ADCY5: variants seen among roughly 807,000 people sequenced by gnomAD.
The protein encoded by ADCY5 is adenylate cyclase 5.
Under a neutral mutation model 119.7 loss-of-function variants are expected in ADCY5, and 30 were observed. The observed-to-expected ratio is 0.25, with a 90% CI of 0.19 to 0.34. ADCY5 has a LOEUF of 0.34. ADCY5 is among the 10% of genes least tolerant of loss of function. The pLI is 1.00. For missense variants in ADCY5, 1,324 were observed against 1,775.2 expected, an observed-to-expected ratio of 0.75 and a Z score of 4.57; for synonymous variants, 753 against 762.2, an observed-to-expected ratio of 0.99 and a Z score of 0.20.
chr3:123,334,831 A>T (rs183408636), intron 3 of ADCY5, among the ~76,000 whole-genome samples: 1 of 152,356 alleles, frequency 6.6e-6, no homozygotes, highest in African/African-American at 2.4e-5. Context: ...GATGTCACGT[A>T]TCCACAGTGT....
intron 11 of ADCY5, among the ~76,000 whole-genome samples, chr3:123,317,077 G>A (rs1473562693): frequency 1.3e-5 from 2 of 152,012 alleles, no homozygotes; most frequent in Admixed American, 1.3e-4. Context: ...GTGCATGGGT[G>A]TACATACATA....
At chr3:123,342,507 C>G (rs1170485482) in intron 3 of ADCY5, among the ~76,000 whole-genome samples, 1 of 152,152 alleles carries the variant, frequency 6.6e-6, no homozygotes, top group African/African-American at 2.4e-5. Flanking sequence ...CTGCCGGGAC[C>G]CTGGCTGCAG....
chr3:123,338,956 A>AG (rs1267599489), intron 3 of ADCY5, among the ~76,000 whole-genome samples: 1 of 152,230 alleles, frequency 6.6e-6, no homozygotes, highest in African/African-American at 2.4e-5. Context: ...CTAGTGGTCT[A>AG]GGGGGGCCTG....
At chr3:123,314,853 T>C (rs567908808) in intron 11 of ADCY5, among the ~76,000 whole-genome samples, 1 of 150,128 alleles carries the variant, frequency 6.7e-6, no homozygotes, top group African/African-American at 2.5e-5. Flanking sequence ...TGGCTGTCTC[T>C]TTAGAAGGGC....
intron 15 of ADCY5, among the ~76,000 whole-genome samples, chr3:123,297,712 G>A (rs2108234153): frequency 6.6e-6 from 1 of 152,328 alleles, no homozygotes; most frequent in South Asian, 2.1e-4. Context: ...GGGCGTGGAG[G>A]AGAGATCCCA....
chr3:123,417,827 T>C lies in ADCY5; in HGVS notation c.1134+29585A>G, dbSNP rs140410193. Among the ~76,000 whole-genome samples the C allele has an allele frequency of 4.0e-3, 611 of 152,322 alleles. 5 individuals are homozygous for C. Among genetic ancestry groups the C allele is most frequent in the African/African-American group, 0.014 (580 of 41,578 alleles). On this transcript the variant is annotated intron_variant, in intron 1 of 20. Transcript: ENST00000462833. ...ATACTTCTTTCCAGCCCTGACATTC[T>C]AGAATTTTATGAAATAGAACTCCGA...
Position 123,448,598 on chromosome 3 carries a change from G to A in ADCY5, c.-53C>T. The stretch of plus-strand genomic sequence containing the variant: ...CTCCTCCCCCGGAAGCCGGGCCGGG[G>A]GTCTCCAAGGGGAGGGCGGACGGCC... On this transcript the variant is annotated 5_prime_UTR_variant, in exon 1 of 21. Transcript: ENST00000462833. The A allele has an allele frequency of 1.6e-6, 2 of 1,265,716 alleles. No homozygotes were observed. The highest frequency in any genetic ancestry group is 3.0e-5 in the South Asian group (1 of 33,746). The allele number at this position is 1,265,716 out of a possible 1,614,324, so 78.4% of individuals were successfully genotyped here.
At chr3:123,305,165 T>C (rs926364535) in intron 12 of ADCY5, among the ~76,000 whole-genome samples, 6 of 152,192 alleles carry the variant, frequency 3.9e-5, no homozygotes. Context: ...AAGTCTCCTA[T>C]TTGTACGGCT....
At chr3:123,406,005 C>T (rs1048830497) in intron 1 of ADCY5, among the ~76,000 whole-genome samples, 1 of 152,208 alleles carries the variant, frequency 6.6e-6, no homozygotes, top group Non-Finnish European at 1.5e-5. Context: ...GACTGCTCTT[C>T]CCAGGCCTAG....
chr3:123,424,133 T>C (rs1019341194), intron 1 of ADCY5, among the ~76,000 whole-genome samples: 12 of 152,250 alleles, frequency 7.9e-5, no homozygotes, highest in Non-Finnish European at 1.2e-4. Context: ...GGCACTCAAG[T>C]GTCTGCACTG....
chr3:123,311,679 C>A (rs1027904133), intron 12 of ADCY5, among the ~76,000 whole-genome samples: 5 of 152,118 alleles, frequency 3.3e-5, no homozygotes, highest in Non-Finnish European at 2.9e-5. Context: ...ATGGATGGAC[C>A]ACCAGCCCAG....
At chr3:123,310,592 T>C (rs577899220) in intron 12 of ADCY5, among the ~76,000 whole-genome samples, 2 of 152,180 alleles carry the variant, frequency 1.3e-5, no homozygotes, top group African/African-American at 4.8e-5. Flanking sequence ...CGTGTGATGG[T>C]GAGCAGGGCT....
intron 19 of ADCY5, among the ~76,000 whole-genome samples, chr3:123,288,591 C>A (rs1460520037): frequency 6.6e-6 from 1 of 152,106 alleles, no homozygotes; most frequent in African/African-American, 2.4e-5. Context: ...CTTTGTGGAA[C>A]GAGTTCAGAG....
At chr3:123,381,771 A>G (rs1944040651) in intron 1 of ADCY5, among the ~76,000 whole-genome samples, 1 of 152,170 alleles carries the variant, frequency 6.6e-6, no homozygotes, top group Admixed American at 6.5e-5. Context: ...CAGGCTGCAC[A>G]TCTCAGACCT....
At chr3:123,392,097 T>C (rs780118747) in intron 1 of ADCY5, among the ~76,000 whole-genome samples, 4 of 152,186 alleles carry the variant, frequency 2.6e-5, no homozygotes, top group Admixed American at 2.6e-4. Context: ...ATTTACTTTA[T>C]GTAATTAAGA....
intron 1 of ADCY5, among the ~76,000 whole-genome samples, chr3:123,368,366 C>T (rs1330387418): frequency 2.6e-5 from 4 of 152,160 alleles, no homozygotes; most frequent in Admixed American, 6.5e-5. Flanking sequence ...GAGGCCAAGA[C>T]GGGTGGGTCA....
intron 1 of ADCY5, among the ~76,000 whole-genome samples, chr3:123,383,311 C>A (rs535828329): frequency 6.6e-6 from 1 of 152,312 alleles, no homozygotes; most frequent in Admixed American, 6.5e-5. Context: ...AGGCATCATT[C>A]CCTCTGCAGC....
intron 17 of ADCY5, among the ~76,000 whole-genome samples, chr3:123,294,095 C>T (rs1052036522): frequency 4.6e-5 from 7 of 152,162 alleles, no homozygotes; most frequent in African/African-American, 1.7e-4. Context: ...GTGAGGGTTG[C>T]AGACGATAAC....
In ADCY5 at chr3:123,332,545, C is replaced by T; in HGVS notation, c.1518+19G>A. 3.1e-6 allele frequency: 5 copies of T among 1,589,314 alleles called. No homozygotes were observed. The highest frequency in any genetic ancestry group is 4.3e-6 in the Non-Finnish European group (5 of 1,159,508). Reference sequence around the variant, plus strand: ...AGCCCAGGTCAGGCCACCCCAACCCCCGGCTCAGGGTGACTCACTGCGGCC... The same window carrying T: ...AGCCCAGGTCAGGCCACCCCAACCCTCGGCTCAGGGTGACTCACTGCGGCC... On this transcript the variant is annotated intron_variant, in intron 4 of 20. Coordinates refer to ENST00000462833, the MANE Select transcript of ADCY5 (RefSeq NM_183357.3).
Sources: allele counts gnomAD v4.1 joint callset (sites outside exome capture counted in the v4.1 genomes callset), GRCh38; gene constraint gnomAD v4.1.1; transcripts MANE v1.5; gene names NCBI Gene and HGNC (gene_info 2026-07-23, HGNC 2026-07-21).